The following KRT19 variants were observed in gnomAD, a reference collection of about 807,000 sequenced individuals.
KRT19 encodes keratin 19.
KRT19 carries 21 observed loss-of-function variants against 34.6 expected under a neutral mutation model. That is an observed-to-expected ratio of 0.61 (90% CI 0.43 to 0.87). KRT19 has a LOEUF of 0.87. Ranked by LOEUF, KRT19 falls within the 40% of genes least tolerant of loss-of-function variation. KRT19 has a pLI of 0.00. For synonymous variants in KRT19, 240 were observed against 245.8 expected (o/e 0.98, Z 0.22); for missense variants, 514 against 545.7 (o/e 0.94, Z 0.58).
At chr17:41,524,096 T>C (rs1262091467) in intron 5 of KRT19, 47 bp downstream of exon 5, 1 of 1,607,382 alleles carries the variant, frequency 6.2e-7, no homozygotes, top group Non-Finnish European at 8.5e-7. Flanking sequence ...TGCAAGGGTA[T>C]AAGTGTGAAT....
intron 1 of KRT19, 39 bp downstream of exon 1, chr17:41,527,789 C>G (rs1212729383): frequency 2.6e-6 from 4 of 1,519,090 alleles, no homozygotes; most frequent in Non-Finnish European, 2.6e-6. Context: ...GTTTCCGCGG[C>G]AGGTGCACTG....
intron 2 of KRT19, 76 bp from the exon 3 acceptor site, chr17:41,525,075 A>G (rs570334292): frequency 1.9e-6 from 3 of 1,584,860 alleles, no homozygotes; most frequent in Admixed American, 1.7e-5. Context: ...CCCAGAGTTC[A>G]GGAGTCCATA....
At position 41,525,224 on chromosome 17, in the gene KRT19, T is replaced by C. The variant is rs371064123; in HGVS notation, c.470A>G (p.Asn157Ser). 23 of 1,613,672 alleles carry C rather than the reference T, an allele frequency of 1.4e-5. No individual in the cohort carries two copies. In the African/African-American group the frequency reaches 2.8e-4, roughly 20 times the overall value. The change falls in exon 2 of 6, where the codon AAT becomes AGT. Residue 157 changes from asparagine (N) to serine (S), a missense_variant. Physicochemically the swap from Asn to Ser is conservative, Grantham distance 46. Coordinates refer to ENST00000361566, the MANE Select transcript of KRT19 (RefSeq NM_002276.5). ...ENSRIVLQID[N>S]ARLAADDFRT... Reference sequence around the variant, plus strand: ...GAAGTCATCTGCAGCCAGACGGGCATTGTCGATCTGCAGGACAATCCTGGA... The same window carrying C: ...GAAGTCATCTGCAGCCAGACGGGCACTGTCGATCTGCAGGACAATCCTGGA...
chr17:41,524,643 G>T, intron 3 of KRT19, 103 bp from the exon 4 acceptor site: 3 of 1,365,062 alleles, frequency 2.2e-6, no homozygotes, highest in South Asian at 2.5e-5. Flanking sequence ...TAGTTTTCAG[G>T]TGCAGGCCTA....
At position 41,524,343 on chromosome 17, in the gene KRT19, C is replaced by G. The variant is rs200185170; in HGVS notation, c.822+36G>C. 1.2e-3 allele frequency: 1,941 copies of G among 1,612,508 alleles called. 4 individuals are homozygous for G. The highest frequency in any genetic ancestry group is 1.5e-3 in the Non-Finnish European group (1,750 of 1,178,640). On this transcript the variant is annotated intron_variant, in intron 4 of 5. Coordinates refer to ENST00000361566, the MANE Select transcript of KRT19 (RefSeq NM_002276.5). ...TAGGGAACACAAAGCCCTCCCCTTCCTAACCCCCAAAGGGTGCCTGCTTCC... is the reference window on the plus strand; with the variant it reads ...TAGGGAACACAAAGCCCTCCCCTTCGTAACCCCCAAAGGGTGCCTGCTTCC...
intron 1 of KRT19, chr17:41,525,629 A>G (rs1451166132): frequency 4.2e-6 from 1 of 238,596 alleles, no homozygotes; most frequent in Non-Finnish European, 7.9e-6. Context: ...CCCCCCCACT[A>G]TGCGAAGCAT....
chr17:41,524,274 G>C lies in KRT19; in HGVS notation c.823-6C>G. 1 of 1,613,656 alleles carries C rather than the reference G, an allele frequency of 6.2e-7. No homozygotes were observed. Among genetic ancestry groups the C allele is most frequent in the Non-Finnish European group, 8.5e-7 (1 of 1,179,716 alleles). On this transcript the variant is annotated splice_region_variant and splice_polypyrimidine_tract_variant and intron_variant, in intron 4 of 5. Coordinates refer to ENST00000361566, the MANE Select transcript of KRT19 (RefSeq NM_002276.5). Reference sequence around the variant, plus strand: ...TCCCGGTTCAATTCTTCAGTCTGCAGAGAGAGGAAGAAGAGGGAATAAGCA... The same window carrying C: ...TCCCGGTTCAATTCTTCAGTCTGCACAGAGAGGAAGAAGAGGGAATAAGCA...
intron 1 of KRT19, among the ~76,000 whole-genome samples, chr17:41,527,266 C>T (rs893716983): frequency 6.6e-6 from 1 of 152,174 alleles, no homozygotes; most frequent in Non-Finnish European, 1.5e-5. Flanking sequence ...CCGGCTCTCC[C>T]ATTCTTCCTA....
At chr17:41,524,334 C>G in intron 4 of KRT19, 45 bp downstream of exon 4, 3 of 1,611,978 alleles carry the variant, frequency 1.9e-6, no homozygotes, top group Non-Finnish European at 8.5e-7. Flanking sequence ...ACACAAAGCC[C>G]TCCCCTTCCT....
At position 41,524,231 on chromosome 17, in the gene KRT19, T is replaced by C. The variant is rs1167365009; in HGVS notation, c.860A>G (p.Glu287Gly). 8.1e-6 allele frequency: 13 copies of C among 1,613,970 alleles called. No individual in the cohort carries two copies. Among genetic ancestry groups the C allele is most frequent in the Non-Finnish European group, 1.0e-5 (12 of 1,180,018 alleles). The change falls in exon 5 of 6, where the codon GAG becomes GGG. Residue 287 changes from glutamate (E) to glycine (G), a missense_variant. Transcript: ENST00000361566. The part of the protein sequence containing the change: ...ELNREVAGHT[E>G]QLQMSRSEVT... ...CTCGGACCTGCTCATCTGGAGCTGC[T>C]CCGTGTGGCCAGCGACCTCCCGGTT...
rs11550879 is a variant in KRT19 at position 41,528,160 on chromosome 17, C to T, written c.88G>A (p.Ala30Thr). The change falls in exon 1 of 6, where the codon GCC becomes ACC. Residue 30 changes from alanine to threonine, a missense_variant. Coordinates refer to ENST00000361566, the MANE Select transcript of KRT19 (RefSeq NM_002276.5). Reference protein sequence around the residue: ...GGSVRFGPGVAFRAPSIHGGS... With the variant: ...GGSVRFGPGVTFRAPSIHGGS... ...CCGTGAATGCTGGGCGCGCGAAAGG[C>T]GACCCCCGGCCCAAAACGCACGGAG... 6 of 1,594,464 alleles carry T rather than the reference C, an allele frequency of 3.8e-6. No individual in the cohort carries two copies. In the African/African-American group the frequency reaches 6.7e-5, roughly 18 times the overall value.
Position 41,523,721 on chromosome 17 carries a change from A to T in KRT19, c.*22T>A. ...CAGAAGACACCCTCCAAAGGACAGC[A>T]GAAGCCCCAGAGCCTGCTGCCTCAG... On this transcript the variant is annotated 3_prime_UTR_variant, in exon 6 of 6. Coordinates refer to ENST00000361566, the MANE Select transcript of KRT19 (RefSeq NM_002276.5). 1 of 1,611,822 alleles carries T rather than the reference A, an allele frequency of 6.2e-7. No individual in the cohort carries two copies. The highest frequency in any genetic ancestry group is 8.5e-7 in the Non-Finnish European group (1 of 1,178,280).
rs1905796244 is a variant in KRT19, at chr17:41,524,622, C to CTAAA, written c.661-86_661-83dup. The CTAAA allele has an allele frequency of 2.0e-6, 3 of 1,489,354 alleles. No homozygotes were observed. In the East Asian group the frequency reaches 6.8e-5, roughly 34 times the overall value. 92.3% of individuals were successfully genotyped at this position (1,489,354 alleles called of 1,614,324 possible). A position where few individuals can be genotyped will look rare whatever the true frequency, so the allele number is the denominator to read the frequency against. ...CCAGGTCACTTCCCCACCCTTCAGG[C>CTAAA]TAAAGGGGCTTAGTTTTCAGGTGCA... On this transcript the variant is annotated intron_variant, in intron 3 of 5. Coordinates refer to ENST00000361566, the MANE Select transcript of KRT19 (RefSeq NM_002276.5).
At chr17:41,526,916 T>C (rs1905885707) in intron 1 of KRT19, among the ~76,000 whole-genome samples, 1 of 152,212 alleles carries the variant, frequency 6.6e-6, no homozygotes, top group African/African-American at 2.4e-5. Flanking sequence ...ACTGTTTTTG[T>C]TGGCTGTTGA....
At chr17:41,526,390 A>G (rs1334281323) in intron 1 of KRT19, among the ~76,000 whole-genome samples, 1 of 151,956 alleles carries the variant, frequency 6.6e-6, no homozygotes, top group African/African-American at 2.4e-5. Flanking sequence ...GCACACACAC[A>G]CACAGAGGTG....
At chr17:41,527,009 G>T (rs1905888123) in intron 1 of KRT19, among the ~76,000 whole-genome samples, 1 of 152,224 alleles carries the variant, frequency 6.6e-6, no homozygotes. Context: ...GGATCTGTTT[G>T]TTGGGAGACC....
chr17:41,526,562 C>CTTTTTTTTTTTTTTTTTTTT (rs60030898), intron 1 of KRT19, among the ~76,000 whole-genome samples: 1 of 72,190 alleles, frequency 1.4e-5, no homozygotes, highest in African/African-American at 5.9e-5. Context: ...AAGCTAATTC[C>CTTTTTTTTTTTTTTTTTTTT]TTTTTTTTTT....
rs1479161972 is a variant in KRT19 at position 41,523,752 on chromosome 17, C to T, written c.1194G>A (p.Lys398=). 6.2e-7 allele frequency: 1 copy of T among 1,613,852 alleles called. No homozygotes were observed. Among genetic ancestry groups the T allele is most frequent in the East Asian group, 2.2e-5 (1 of 44,872 alleles). The part of the protein sequence containing the change: ...EDHYNNLSAS[K]VL ...CCCAGAGCCTGCTGCCTCAGAGGAC[C>T]TTGGAGGCAGACAAATTGTTGTAGT... Residue 398 remains lysine, a synonymous_variant, in exon 6 of 6, where the codon AAG becomes AAA. Coordinates refer to ENST00000361566, the MANE Select transcript of KRT19 (RefSeq NM_002276.5).
chr17:41,523,888 C>T lies in KRT19; in HGVS notation c.1058G>A (p.Arg353Gln), dbSNP rs758714037. 1.5e-5 allele frequency: 24 copies of T among 1,614,006 alleles called. No homozygotes were observed. The highest frequency in any genetic ancestry group is 1.9e-5 in the Non-Finnish European group (23 of 1,180,056). ...CTGATTCTGCCGCTCACTATCAGCTCGCACATCGCCCAGCTGGGCTTCAAT... is the reference window on the plus strand; with the variant it reads ...CTGATTCTGCCGCTCACTATCAGCTTGCACATCGCCCAGCTGGGCTTCAAT... ...SGIEAQLGDV[R>Q]ADSERQNQEY... The change falls in exon 6 of 6, where the codon CGA becomes CAA. Residue 353 changes from arginine (R) to glutamine (Q), a missense_variant. Coordinates refer to ENST00000361566, the MANE Select transcript of KRT19 (RefSeq NM_002276.5).
Sources: allele counts gnomAD v4.1 joint callset (sites outside exome capture counted in the v4.1 genomes callset), GRCh38; gene constraint gnomAD v4.1.1; transcripts MANE v1.5; gene names NCBI Gene and HGNC (gene_info 2026-07-23, HGNC 2026-07-21).